RIT2: variants seen among roughly 807,000 people sequenced by gnomAD.
RIT2 encodes the protein GTP-binding protein Rit2.
A neutral mutation model predicts 23.7 loss-of-function variants in RIT2; 24 were observed. The ratio of observed to expected loss-of-function variants is 1.01; its 90% CI spans 0.73 to 1.43. RIT2 has a LOEUF of 1.43. RIT2 is among the 40% of genes most tolerant of loss of function. RIT2 has a pLI of 0.00. For missense variants in RIT2, 236 were observed against 266.9 expected (o/e 0.88, Z 0.81); for synonymous variants, 107 against 91.1 (o/e 1.17, Z -0.99).
intron 1 of RIT2, among the ~76,000 whole-genome samples, chr18:43,034,813 A>G (rs1911938918): frequency 6.6e-6 from 1 of 152,080 alleles, no homozygotes; most frequent in South Asian, 2.1e-4. Context: ...TACCTTCAAC[A>G]AGAATCCTGC....
At chr18:42,873,774 C>G (rs1399005554) in intron 4 of RIT2, among the ~76,000 whole-genome samples, 1 of 152,026 alleles carries the variant, frequency 6.6e-6, no homozygotes, top group African/African-American at 2.4e-5. Flanking sequence ...TCCTAAAATT[C>G]ATTTGTTTTC....
chr18:42,906,333 AC>A (rs1908621060), intron 4 of RIT2, among the ~76,000 whole-genome samples: 1 of 152,232 alleles, frequency 6.6e-6, no homozygotes, highest in East Asian at 1.9e-4. Flanking sequence ...TCTCATCTAT[AC>A]AGACATACAT....
At chr18:42,956,941 C>A (rs994787645) in intron 3 of RIT2, among the ~76,000 whole-genome samples, 3 of 152,084 alleles carry the variant, frequency 2.0e-5, no homozygotes, top group Non-Finnish European at 4.4e-5. Flanking sequence ...TGTTGTAATA[C>A]AGGGAAGCCA....
intron 2 of RIT2, among the ~76,000 whole-genome samples, chr18:43,009,845 A>C (rs1911311551): frequency 6.6e-6 from 1 of 151,652 alleles, no homozygotes; most frequent in South Asian, 2.1e-4. Flanking sequence ...TTTCACCTCT[A>C]ATTTGCATGA....
At chr18:42,891,995 G>C (rs1432326539) in intron 4 of RIT2, among the ~76,000 whole-genome samples, 1 of 151,996 alleles carries the variant, frequency 6.6e-6, no homozygotes, top group Non-Finnish European at 1.5e-5. Context: ...GTGAGGGCAG[G>C]GGGTGTGTGG....
chr18:42,837,170 T>C (rs1359468480), intron 4 of RIT2, among the ~76,000 whole-genome samples: 1 of 108,686 alleles, frequency 9.2e-6, no homozygotes, highest in Non-Finnish European at 1.8e-5. Flanking sequence ...TTTTTTTTTT[T>C]TTTTTTTTTT....
intron 3 of RIT2, among the ~76,000 whole-genome samples, chr18:42,956,524 C>T (rs1260708132): frequency 6.6e-6 from 1 of 152,042 alleles, no homozygotes; most frequent in East Asian, 1.9e-4. Context: ...TCCATTTCGT[C>T]GGTTTGAGAG....
intron 2 of RIT2, among the ~76,000 whole-genome samples, chr18:42,975,426 T>C (rs1004597090): frequency 2.6e-5 from 4 of 152,036 alleles, no homozygotes; most frequent in African/African-American, 4.8e-5. Flanking sequence ...AGTTTGCTAG[T>C]ATGTTGTTGA....
At chr18:42,988,821 G>A (rs1910773784) in intron 2 of RIT2, among the ~76,000 whole-genome samples, 1 of 152,190 alleles carries the variant, frequency 6.6e-6, no homozygotes, top group Non-Finnish European at 1.5e-5. Flanking sequence ...TAAGAGCAGA[G>A]ACTAAGAGAG....
chr18:43,109,389 A>G (rs1185137156), intron 1 of RIT2, among the ~76,000 whole-genome samples: 2 of 152,202 alleles, frequency 1.3e-5, no homozygotes, highest in East Asian at 3.9e-4. Context: ...ATCTCAAAAG[A>G]TATTTTTTCA....
intron 1 of RIT2, among the ~76,000 whole-genome samples, chr18:43,079,605 G>C (rs552749041): frequency 6.6e-6 from 1 of 152,200 alleles, no homozygotes; most frequent in South Asian, 2.1e-4. Flanking sequence ...TCCAAGCAAG[G>C]GAAACCTGAC....
At chr18:42,761,076 G>A (rs539804304) in intron 4 of RIT2, among the ~76,000 whole-genome samples, 144 of 152,298 alleles carry the variant, frequency 9.5e-4, no homozygotes, top group African/African-American at 3.2e-3. Context: ...AATCAATGCA[G>A]GCTAGAGTCA....
In RIT2 at chr18:42,943,415, A is replaced by G. The variant is rs112219253; in HGVS notation, c.235-19652T>C. Among the ~76,000 whole-genome samples the G allele has an allele frequency of 4.1e-3, 618 of 152,060 alleles. 5 individuals carry two copies. The highest frequency in any genetic ancestry group is 0.014 in the African/African-American group (593 of 41,526). ...GAAAAGTTCTCCAAGTCCCCACTCG[A>G]CCCAGGAAGTCCCGCTGACTTCACC... is the stretch of plus-strand genomic sequence containing the variant. On this transcript the variant is annotated intron_variant, in intron 3 of 4. Transcript: ENST00000326695.
chr18:42,848,119 G>A (rs78979289), intron 4 of RIT2, among the ~76,000 whole-genome samples: 3,764 of 152,054 alleles, frequency 0.025, 135 homozygotes, highest in African/African-American at 0.076. Flanking sequence ...TTCCAAGGGT[G>A]GTTTTCATCA....
At chr18:42,788,884 G>A (rs1279030596) in intron 4 of RIT2, among the ~76,000 whole-genome samples, 1 of 152,036 alleles carries the variant, frequency 6.6e-6, no homozygotes, top group African/African-American at 2.4e-5. Flanking sequence ...CTTTTCCTGT[G>A]GACAACCATG....
intron 1 of RIT2, 128 bp from the exon 2 acceptor site, chr18:43,033,995 T>A: frequency 1.7e-6 from 1 of 595,208 alleles, no homozygotes; most frequent in Non-Finnish European, 2.9e-6. Flanking sequence ...GTGACTAATT[T>A]AATTTCACAC....
intron 4 of RIT2, among the ~76,000 whole-genome samples, chr18:42,841,608 C>T (rs1032594943): frequency 1.3e-5 from 2 of 152,096 alleles, no homozygotes; most frequent in Non-Finnish European, 2.9e-5. Flanking sequence ...TTTGCATACC[C>T]TAAGCTTATA....
chr18:42,801,990 C>G (rs1167524465), intron 4 of RIT2, among the ~76,000 whole-genome samples: 1 of 152,140 alleles, frequency 6.6e-6, no homozygotes, highest in Admixed American at 6.5e-5. Context: ...TGTAACCACA[C>G]TAACAGCCCT....
At chr18:42,942,799 T>C (rs895243519) in intron 3 of RIT2, among the ~76,000 whole-genome samples, 2 of 152,134 alleles carry the variant, frequency 1.3e-5, no homozygotes, top group African/African-American at 4.8e-5. Flanking sequence ...GAATACAAAT[T>C]ATTGTAAAAT....
Sources: allele counts gnomAD v4.1 joint callset (sites outside exome capture counted in the v4.1 genomes callset), GRCh38; gene constraint gnomAD v4.1.1; transcripts MANE v1.5; gene names NCBI Gene and HGNC (gene_info 2026-07-23, HGNC 2026-07-21).